PRKCA: variants seen among roughly 807,000 people sequenced by gnomAD.
PRKCA encodes protein kinase C alpha type.
PRKCA carries 27 observed loss-of-function variants against 87.0 expected under a neutral mutation model. That is an observed-to-expected ratio of 0.31 (90% CI 0.23 to 0.43). PRKCA has a LOEUF of 0.43. Ranked by LOEUF, PRKCA falls within the 20% of genes least tolerant of loss-of-function variation. The pLI is 1.00. For synonymous variants in PRKCA, 329 were observed against 311.1 expected (o/e 1.06, Z -0.61); for missense variants, 518 against 852.3 (o/e 0.61, Z 4.88).
intron 3 of PRKCA, among the ~76,000 whole-genome samples, chr17:66,559,479 CAAAAAA>C (rs34998780): frequency 0.13 from 4,872 of 36,336 alleles, 131 homozygotes; most frequent in Non-Finnish European, 0.17. Context: ...TCTGTCTCAC[CAAAAAA>C]AAAAAAAAAA....
chr17:66,766,378 C>CA (rs5821505), intron 13 of PRKCA, among the ~76,000 whole-genome samples: 82,472 of 151,648 alleles, frequency 0.54, 22,998 homozygotes, highest in African/African-American at 0.66. Flanking sequence ...GATGGCTTTC[C>CA]AATTCGGACA....
chr17:66,677,196 C>G (rs1304240069), intron 5 of PRKCA: 1 of 152,016 alleles, frequency 6.6e-6, no homozygotes, highest in Non-Finnish European at 1.5e-5. Context: ...TCTCCTGCCT[C>G]AGACCCCTGA....
chr17:66,544,625 C>A (rs1222160678), intron 3 of PRKCA, among the ~76,000 whole-genome samples: 1 of 151,936 alleles, frequency 6.6e-6, no homozygotes, highest in East Asian at 1.9e-4. Flanking sequence ...GTGAGTCTTG[C>A]TTTGTCACCC....
intron 2 of PRKCA, among the ~76,000 whole-genome samples, chr17:66,370,755 G>A (rs1909059738): frequency 6.6e-6 from 1 of 151,812 alleles, no homozygotes; most frequent in Non-Finnish European, 1.5e-5. Context: ...TCATTATGTT[G>A]CCCAGGCTGG....
At chr17:66,775,025 C>T in intron 14 of PRKCA, 2 of 985,430 alleles carry the variant, frequency 2.0e-6, no homozygotes, top group South Asian at 9.4e-5. Context: ...TCTGCCACTT[C>T]TAGGCCTGGC....
chr17:66,672,511 T>G (rs1395333709), intron 5 of PRKCA, among the ~76,000 whole-genome samples: 1 of 152,228 alleles, frequency 6.6e-6, no homozygotes, highest in Non-Finnish European at 1.5e-5. Flanking sequence ...TCCTTTAAGC[T>G]ACTTCCAAGA....
chr17:66,562,138 T>TATATATAAAATTAA (rs1555619822), intron 3 of PRKCA, among the ~76,000 whole-genome samples: 1 of 17,450 alleles, frequency 5.7e-5, no homozygotes, highest in Admixed American at 7.1e-4. Context: ...ATAATTAAAT[T>TATATATAAAATTAA]ATATATATAA....
chr17:66,796,336 A>G, intron 16 of PRKCA: 11 of 641,422 alleles, frequency 1.7e-5, no homozygotes, highest in Non-Finnish European at 2.1e-5. Flanking sequence ...TTTCCGCATC[A>G]GCTCACGTGG....
In PRKCA at chr17:66,393,641, CGTGTGTGT is replaced by C. The variant is rs111480827; in HGVS notation, c.205+87532_205+87539del. Among the ~76,000 whole-genome samples the C allele has an allele frequency of 3.9e-4, 58 of 148,180 alleles. No individual in the cohort carries two copies. In the Middle Eastern group the frequency reaches 0.01, roughly 26 times the overall value. ...CTCGGCCTTCTTCCATGTGTGTGCA[CGTGTGTGT>C]GTGTGTGTGTGTGTGTGCGCCGTCA... On this transcript the variant is annotated intron_variant, in intron 2 of 16. Coordinates refer to ENST00000413366, the MANE Select transcript of PRKCA (RefSeq NM_002737.3).
At chr17:66,776,166 C>T (rs1026651286) in intron 14 of PRKCA, among the ~76,000 whole-genome samples, 5 of 152,152 alleles carry the variant, frequency 3.3e-5, no homozygotes, top group African/African-American at 1.2e-4. Context: ...GGCCTGAGGC[C>T]AGAGAGGAAG....
chr17:66,384,660 G>T (rs919475814), intron 2 of PRKCA, among the ~76,000 whole-genome samples: 1 of 151,072 alleles, frequency 6.6e-6, no homozygotes, highest in African/African-American at 2.4e-5. Context: ...ACGGAGTCTC[G>T]CTCTGTCGCC....
At chr17:66,521,213 C>G (rs1967149410) in intron 3 of PRKCA, among the ~76,000 whole-genome samples, 1 of 152,068 alleles carries the variant, frequency 6.6e-6, no homozygotes, top group South Asian at 2.1e-4. Flanking sequence ...TATTCACAGA[C>G]AGTGAAAGGA....
chr17:66,802,032 G>A (rs1246311933), intron 16 of PRKCA, among the ~76,000 whole-genome samples: 1 of 152,150 alleles, frequency 6.6e-6, no homozygotes, highest in Non-Finnish European at 1.5e-5. Context: ...ACCAGCCTGA[G>A]CAACATGGTG....
At chr17:66,470,288 C>A (rs1915267011) in intron 2 of PRKCA, among the ~76,000 whole-genome samples, 2 of 141,642 alleles carry the variant, frequency 1.4e-5, no homozygotes, top group South Asian at 2.5e-4. Context: ...CCTCTGCCAC[C>A]CCCCCTCCCC....
In PRKCA at chr17:66,741,427, A is replaced by G. The variant is rs61761469; in HGVS notation, c.1323-232A>G. ...AATAAGCTACTTGTCCACCTTCCCC[A>G]TAAGAGAATAAGAAGCCGGTTTCAT... On this transcript the variant is annotated intron_variant, in intron 11 of 16. Coordinates refer to ENST00000413366, the MANE Select transcript of PRKCA (RefSeq NM_002737.3). Among the ~76,000 whole-genome samples, 546 of 152,328 alleles carry G rather than the reference A, an allele frequency of 3.6e-3. 7 individuals are homozygous for G. The highest frequency in any genetic ancestry group is 0.012 in the African/African-American group (518 of 41,578).
intron 3 of PRKCA, among the ~76,000 whole-genome samples, chr17:66,527,925 C>T (rs948462007): frequency 2.6e-5 from 4 of 152,196 alleles, no homozygotes; most frequent in African/African-American, 9.6e-5. Context: ...AGGTTGGGCG[C>T]GGTAGCTCAC....
chr17:66,713,687 C>A (rs935780104), intron 8 of PRKCA, among the ~76,000 whole-genome samples: 2 of 152,180 alleles, frequency 1.3e-5, no homozygotes, highest in Non-Finnish European at 2.9e-5. Flanking sequence ...AGCGTGCCAC[C>A]GCTCGCTCAC....
intron 3 of PRKCA, among the ~76,000 whole-genome samples, chr17:66,613,499 C>T (rs1970427753): frequency 6.6e-6 from 1 of 152,196 alleles, no homozygotes; most frequent in South Asian, 2.1e-4. Flanking sequence ...TATTCCCTCA[C>T]AATTCTGAGG....
rs867193023 is a variant in PRKCA, at chr17:66,566,487, T to G, written c.288+70204T>G. ...AACTGTTGTTGTTTTTTGGTTTTTTTTTTTTTTTTTTTTTTGCAACAGCTT... is the reference window on the plus strand; with the variant it reads ...AACTGTTGTTGTTTTTTGGTTTTTTGTTTTTTTTTTTTTTTGCAACAGCTT... On this transcript the variant is annotated intron_variant, in intron 3 of 16. Transcript: ENST00000413366. Among the ~76,000 whole-genome samples, 192 of 148,048 alleles carry G rather than the reference T, an allele frequency of 1.3e-3. 3 individuals are homozygous for G. The highest frequency in any genetic ancestry group is 5.8e-3 in the Admixed American group (87 of 14,910).
Sources: allele counts gnomAD v4.1 joint callset (sites outside exome capture counted in the v4.1 genomes callset), GRCh38; gene constraint gnomAD v4.1.1; transcripts MANE v1.5; gene names NCBI Gene and HGNC (gene_info 2026-07-23, HGNC 2026-07-21).